Variants in ARFIP1 observed in about 807,000 individuals in gnomAD.
ARFIP1 encodes the protein ARF interacting protein 1, also known as arfaptin-1.
In ARFIP1, 24 loss-of-function variants were observed where a neutral mutation model predicts 42.5. The observed-to-expected ratio is 0.57, with a 90% CI of 0.41 to 0.80. The LOEUF (loss-of-function observed/expected upper bound fraction) is 0.80, where lower values mean the gene tolerates loss of function less well. Ranked by LOEUF, ARFIP1 falls within the 30% of genes least tolerant of loss-of-function variation. The pLI is 0.00. For synonymous variants in ARFIP1, 141 were observed against 153.7 expected (o/e 0.92, Z 0.61); for missense variants, 354 against 434.0 (o/e 0.82, Z 1.64).
intron 2 of ARFIP1, among the ~76,000 whole-genome samples, chr4:152,830,817 G>A (rs1400921093): frequency 1.3e-5 from 2 of 152,176 alleles, no homozygotes; most frequent in Admixed American, 1.3e-4. Flanking sequence ...CTCCAGGAGA[G>A]GGGACAAATT....
intron 2 of ARFIP1, among the ~76,000 whole-genome samples, chr4:152,835,230 G>C (rs1731558193): frequency 6.6e-6 from 1 of 152,188 alleles, no homozygotes; most frequent in Non-Finnish European, 1.5e-5. Context: ...TTTATGCTCT[G>C]CTTTCCTTTT....
At chr4:152,791,145 T>C (rs1276496047) in intron 1 of ARFIP1, among the ~76,000 whole-genome samples, 1 of 152,246 alleles carries the variant, frequency 6.6e-6, no homozygotes, top group Non-Finnish European at 1.5e-5. Flanking sequence ...GTTGTTAATA[T>C]AAAGACAGAA....
chr4:152,902,576 G>A (rs1404258640), intron 8 of ARFIP1, among the ~76,000 whole-genome samples: 1 of 152,142 alleles, frequency 6.6e-6, no homozygotes, highest in African/African-American at 2.4e-5. Context: ...TATAGAAGGT[G>A]TTTCCAAAAG....
At chr4:152,881,995 G>GT (rs1260878886) in intron 6 of ARFIP1, among the ~76,000 whole-genome samples, 3 of 152,148 alleles carry the variant, frequency 2.0e-5, no homozygotes, top group African/African-American at 7.2e-5. Context: ...TATGTGATCG[G>GT]TTTTTTATTT....
intron 1 of ARFIP1, 143 bp from the exon 2 acceptor site, chr4:152,829,482 A>G: frequency 4.1e-6 from 2 of 486,950 alleles, no homozygotes; most frequent in East Asian, 3.1e-5. Context: ...AAAATTATAT[A>G]TGTATTCTGT....
Position 152,911,979 on chromosome 4 carries a change from G to C in ARFIP1, c.*1760G>C, listed in dbSNP as rs7695832. On this transcript the variant is annotated 3_prime_UTR_variant, in exon 9 of 9. Transcript: ENST00000353617. Reference sequence around the variant, plus strand: ...GAAATTCTGAAGACACATAATTTGCGTTTTCTGAACCTTAAAAAAAAAGGT... The same window carrying C: ...GAAATTCTGAAGACACATAATTTGCCTTTTCTGAACCTTAAAAAAAAAGGT... 152,543 of 152,654 alleles carry C rather than the reference G, an allele frequency of 1. 76,216 individuals carry two copies. The highest frequency in any genetic ancestry group is 1 in the Non-Finnish European group (67,980 of 67,980). 9.5% of individuals were successfully genotyped at this position (152,654 alleles called of 1,614,324 possible).
At chr4:152,847,189 A>G (rs893897106) in intron 2 of ARFIP1, among the ~76,000 whole-genome samples, 1 of 127,896 alleles carries the variant, frequency 7.8e-6, no homozygotes, top group African/African-American at 3.0e-5. Context: ...CCGGAGTGCA[A>G]TGGTGTGATC....
At chr4:152,793,248 TAAAG>T (rs1302029637) in intron 1 of ARFIP1, among the ~76,000 whole-genome samples, 1 of 149,366 alleles carries the variant, frequency 6.7e-6, no homozygotes, top group African/African-American at 2.5e-5. Flanking sequence ...TCAGAGCACT[TAAAG>T]AATGAGCCGA....
At position 152,910,470 on chromosome 4, in the gene ARFIP1, T is replaced by C. The variant is rs1484854923; in HGVS notation, c.*251T>C. On this transcript the variant is annotated 3_prime_UTR_variant, in exon 9 of 9. Transcript: ENST00000353617. ...GAGAAATCCTTTTGTATTGTGAGGG[T>C]TGATGGCTATTTCTGTAGTTTGAAA... 1 of 312,676 alleles carries C rather than the reference T, an allele frequency of 3.2e-6. No individual in the cohort carries two copies. The highest frequency in any genetic ancestry group is 2.2e-5 in the African/African-American group (1 of 46,338). The allele number at this position is 312,676 out of a possible 1,614,324, so 19.4% of individuals were successfully genotyped here.
At chr4:152,835,937 A>G (rs1180587305) in intron 2 of ARFIP1, among the ~76,000 whole-genome samples, 1 of 152,128 alleles carries the variant, frequency 6.6e-6, no homozygotes, top group Non-Finnish European at 1.5e-5. Flanking sequence ...GGGAGGACCC[A>G]GAGTCTTTTA....
At chr4:152,894,036 G>A (rs1737091301) in intron 8 of ARFIP1, among the ~76,000 whole-genome samples, 1 of 151,912 alleles carries the variant, frequency 6.6e-6, no homozygotes, top group Non-Finnish European at 1.5e-5. Context: ...TGGCCAACAT[G>A]GTGAAACCTC....
chr4:152,855,720 A>G (rs918158922), intron 2 of ARFIP1, among the ~76,000 whole-genome samples: 1 of 152,178 alleles, frequency 6.6e-6, no homozygotes, highest in Non-Finnish European at 1.5e-5. Context: ...CCATCACACA[A>G]TCTCCTGGCA....
chr4:152,886,831 G>A (rs1342422912), intron 7 of ARFIP1, among the ~76,000 whole-genome samples: 1 of 151,932 alleles, frequency 6.6e-6, no homozygotes, highest in African/African-American at 2.4e-5. Flanking sequence ...GAATGAATCA[G>A]TGTATCAGTG....
chr4:152,890,559 T>C (rs1579019747), intron 8 of ARFIP1, among the ~76,000 whole-genome samples: 1 of 152,148 alleles, frequency 6.6e-6, no homozygotes, highest in Non-Finnish European at 1.5e-5. Flanking sequence ...CTAGGGTCTT[T>C]GCAATAGCAG....
chr4:152,814,390 A>T (rs1461604637), intron 1 of ARFIP1, among the ~76,000 whole-genome samples: 2 of 152,036 alleles, frequency 1.3e-5, no homozygotes, highest in East Asian at 3.9e-4. Flanking sequence ...CACCACTCCT[A>T]GCCAGTTTCT....
At chr4:152,795,422 A>C (rs1731384347) in intron 1 of ARFIP1, among the ~76,000 whole-genome samples, 2 of 152,132 alleles carry the variant, frequency 1.3e-5, no homozygotes, top group Non-Finnish European at 2.9e-5. Flanking sequence ...TATGTGCCAT[A>C]TTCCTACCAT....
At chr4:152,901,256 AG>A (rs2149909507) in intron 8 of ARFIP1, among the ~76,000 whole-genome samples, 1 of 152,324 alleles carries the variant, frequency 6.6e-6, no homozygotes, top group South Asian at 2.1e-4. Context: ...TTTTTCAGTC[AG>A]TAACTTTGTA....
intron 1 of ARFIP1, among the ~76,000 whole-genome samples, chr4:152,795,496 A>AGT (rs1169204073): frequency 6.6e-6 from 1 of 152,100 alleles, no homozygotes; most frequent in Non-Finnish European, 1.5e-5. Flanking sequence ...AGAATGCTAG[A>AGT]GTGTGTATTT....
chr4:152,873,229 T>G (rs1402939298), intron 5 of ARFIP1, among the ~76,000 whole-genome samples: 1 of 152,208 alleles, frequency 6.6e-6, no homozygotes, highest in Non-Finnish European at 1.5e-5. Context: ...CCCTAGCAGC[T>G]CAGGTTAGAA....
Sources: gnomAD v4.1 joint callset for allele counts (sites outside exome capture counted in the v4.1 genomes callset) on GRCh38, gnomAD v4.1.1 for gene constraint, MANE v1.5 for transcripts, NCBI Gene and HGNC (gene_info 2026-07-23, HGNC 2026-07-21) for gene names.